Variants in BCAR3 observed in about 807,000 individuals in gnomAD.
BCAR3 encodes the protein BCAR3 adaptor protein, NSP family member.
BCAR3 carries 37 observed loss-of-function variants against 80.1 expected under a neutral mutation model. That is an observed-to-expected ratio of 0.46 (90% confidence interval 0.36 to 0.61). The LOEUF is 0.61. Ranked by LOEUF, BCAR3 falls within the 20% of genes least tolerant of loss-of-function variation. The probability of loss-of-function intolerance (pLI) is 0.00; values close to 1 mark genes in which losing one functional copy is unlikely to be tolerated. For synonymous variants in BCAR3, 389 were observed against 418.9 expected, an observed-to-expected ratio of 0.93 and a Z score of 0.87; for missense variants, 978 against 1,068.2, an observed-to-expected ratio of 0.92 and a Z score of 1.18.
At chr1:93,847,563 T>TC (rs1411909886), upstream of BCAR3, 1 of 152,288 alleles carries the variant, frequency 6.6e-6, no homozygotes, top group Non-Finnish European at 1.5e-5. Flanking sequence ...GCGCTGAGAC[T>TC]CCAACAGGTG....
At position 93,576,142 on chromosome 1, in the gene BCAR3, A is replaced by G. The variant is rs1673447888; in HGVS notation, c.1687-13T>C. ...GTATCCTAGCAACCTGTCAAGAGCC[A>G]AAGTTGAAATACACTGGATCAGGAA... is the stretch of plus-strand genomic sequence containing the variant. On this transcript the variant is annotated splice_polypyrimidine_tract_variant and intron_variant, in intron 7 of 11. Coordinates refer to ENST00000260502, the MANE Select transcript of BCAR3 (RefSeq NM_003567.4). The G allele has an allele frequency of 6.2e-7, 1 of 1,604,762 alleles. No individual in the cohort carries two copies. The highest frequency in any genetic ancestry group is 1.3e-5 in the African/African-American group (1 of 74,748).
chr1:93,845,911 A>C (rs1277505059), intron 1 of BCAR3, among the ~76,000 whole-genome samples: 1 of 152,134 alleles, frequency 6.6e-6, no homozygotes, highest in Non-Finnish European at 1.5e-5. Flanking sequence ...TTGTTGTAAT[A>C]GTCTTTTATC....
chr1:93,692,259 C>G (rs1053390819), intron 3 of BCAR3, among the ~76,000 whole-genome samples: 2 of 152,180 alleles, frequency 1.3e-5, no homozygotes, highest in Admixed American at 6.5e-5. Context: ...CAGGAACCCC[C>G]CTCCCCAGTG....
chr1:93,666,200 T>C (rs1647904360), intron 2 of BCAR3, among the ~76,000 whole-genome samples: 1 of 152,188 alleles, frequency 6.6e-6, no homozygotes, highest in Admixed American at 6.5e-5. Flanking sequence ...TCTGAAGTCC[T>C]TACCCAAATC....
intron 3 of BCAR3, among the ~76,000 whole-genome samples, chr1:93,618,924 G>GTTT (rs796584340): frequency 4.4e-5 from 6 of 136,026 alleles, no homozygotes; most frequent in Non-Finnish European, 8.0e-5. Context: ...GAAGCCGTGG[G>GTTT]TTTTTTTTTT....
intron 2 of BCAR3, among the ~76,000 whole-genome samples, chr1:93,654,137 C>G (rs573964244): frequency 6.6e-6 from 1 of 152,244 alleles, no homozygotes; most frequent in South Asian, 2.1e-4. Flanking sequence ...TAAGACAGCC[C>G]CCCAAAATTC....
intron 2 of BCAR3, among the ~76,000 whole-genome samples, chr1:93,669,584 G>C (rs967481439): frequency 6.6e-6 from 1 of 152,212 alleles, no homozygotes; most frequent in East Asian, 1.9e-4. Context: ...GAAGGAATTA[G>C]GCACTCACAG....
Position 93,586,496 on chromosome 1 carries a change from T to C in BCAR3, c.930-2375A>G, listed in dbSNP as rs1402126895. Among the ~76,000 whole-genome samples, 1 of 146,020 alleles carries C rather than the reference T, an allele frequency of 6.8e-6. No homozygotes were observed. Among genetic ancestry groups the C allele is most frequent in the Non-Finnish European group, 1.5e-5 (1 of 66,078 alleles). ...TCCAAATCTTAGCTATTGTAAACAG[T>C]GCTGCAACAAACATTGGTGCAGGTA... On this transcript the variant is annotated intron_variant, in intron 5 of 11. Transcript: ENST00000260502. The surrounding 1 kb of genome is among the most constrained non-coding windows in gnomAD (Gnocchi z 4.2).
intron 5 of BCAR3, among the ~76,000 whole-genome samples, chr1:93,587,903 TATAC>T (rs888231124): frequency 6.6e-6 from 1 of 152,078 alleles, no homozygotes; most frequent in Non-Finnish European, 1.5e-5. Flanking sequence ...AGACGGGCCC[TATAC>T]AAATGCAGGC....
chr1:93,818,266 G>C (rs1181004749), intron 2 of BCAR3, among the ~76,000 whole-genome samples: 1 of 152,222 alleles, frequency 6.6e-6, no homozygotes, highest in Non-Finnish European at 1.5e-5. Context: ...TTACACTCAT[G>C]AGAGACTGAT....
chr1:93,630,780 T>C (rs1169479207), intron 3 of BCAR3, among the ~76,000 whole-genome samples: 1 of 152,224 alleles, frequency 6.6e-6, no homozygotes, highest in Non-Finnish European at 1.5e-5. Context: ...GCCATATAGC[T>C]GGTATTTACT....
At chr1:93,640,599 A>G (rs1675947098) in intron 3 of BCAR3, among the ~76,000 whole-genome samples, 1 of 152,208 alleles carries the variant, frequency 6.6e-6, no homozygotes, top group African/African-American at 2.4e-5. Flanking sequence ...GGAGAAGGCA[A>G]AGAGAGCCCA....
At chr1:93,591,075 G>A (rs780720691) in intron 4 of BCAR3, among the ~76,000 whole-genome samples, 1 of 147,164 alleles carries the variant, frequency 6.8e-6, no homozygotes, top group African/African-American at 2.5e-5. Flanking sequence ...CCTTCTTTTT[G>A]CTATCTATGT....
intron 2 of BCAR3, among the ~76,000 whole-genome samples, chr1:93,744,906 T>C (rs1651304156): frequency 6.6e-6 from 1 of 152,238 alleles, no homozygotes; most frequent in African/African-American, 2.4e-5. Flanking sequence ...GCAGTTTCTC[T>C]TTCCCCTTCC....
chr1:93,602,417 G>A (rs1674652543), intron 3 of BCAR3: 1 of 152,362 alleles, frequency 6.6e-6, no homozygotes, highest in Admixed American at 6.5e-5. Flanking sequence ...GTGATGACCT[G>A]AGACCTGCAT....
chr1:93,649,453 A>G (rs1676253453), intron 2 of BCAR3, among the ~76,000 whole-genome samples: 1 of 152,194 alleles, frequency 6.6e-6, no homozygotes, highest in Non-Finnish European at 1.5e-5. Context: ...GTTTAGCCAA[A>G]GAGAACTAGC....
chr1:93,692,151 G>A (rs989811131), intron 3 of BCAR3, among the ~76,000 whole-genome samples: 3 of 152,168 alleles, frequency 2.0e-5, no homozygotes, highest in South Asian at 4.1e-4. Flanking sequence ...AGTGCTCGCC[G>A]CACAGCTCGG....
chr1:93,621,161 T>A (rs184463075), intron 3 of BCAR3, among the ~76,000 whole-genome samples: 7 of 152,364 alleles, frequency 4.6e-5, no homozygotes, highest in Admixed American at 4.6e-4. Context: ...TTTTCTGTTG[T>A]CAAGCAAATT....
chr1:93,685,716 A>G (rs1446121550), upstream of BCAR3, among the ~76,000 whole-genome samples: 7 of 152,188 alleles, frequency 4.6e-5, no homozygotes, highest in Non-Finnish European at 8.8e-5. Context: ...ATTGCCTTCT[A>G]TAAGGATTGT....
Sources: allele counts gnomAD v4.1 joint callset (sites outside exome capture counted in the v4.1 genomes callset), GRCh38; gene constraint gnomAD v4.1.1; non-coding constraint Gnocchi (gnomAD v3.1); transcripts MANE v1.5; gene names NCBI Gene and HGNC (gene_info 2026-07-23, HGNC 2026-07-21).